Variants in XYLB observed in about 807,000 individuals in gnomAD.
The protein encoded by XYLB is xylulose kinase.
In XYLB, 62 loss-of-function variants were observed where a neutral mutation model predicts 78.7. The ratio of observed to expected loss-of-function variants is 0.79; its 90% CI spans 0.64 to 0.97. The LOEUF is 0.97. Among genes scored for constraint, XYLB ranks in the 50% least tolerant of loss-of-function variants. The probability of loss-of-function intolerance (pLI) is 0.00; values close to 1 mark genes in which losing one functional copy is unlikely to be tolerated. For synonymous variants in XYLB, 245 were observed against 247.4 expected (o/e 0.99, Z 0.09); for missense variants, 687 against 676.8 (o/e 1.02, Z -0.17).
the XYLB span, among the ~76,000 whole-genome samples, chr3:38,445,109 T>G: frequency 6.6e-6 from 1 of 152,078 alleles, no homozygotes; most frequent in Admixed American, 6.5e-5. Flanking sequence ...CCCTTTCCTA[T>G]AAAGATGATA....
rs181469164 is a variant in XYLB, at chr3:38,359,596, A to G, written c.141-743A>G. 2.5e-3 allele frequency among the ~76,000 whole-genome samples: 386 copies of G among 152,334 alleles called. 2 individuals carry two copies. The highest frequency in any genetic ancestry group is 8.7e-3 in the African/African-American group (361 of 41,568). ...TTCATATTTTTTCTTGCTCTGTAGTATGATATCACAAATATACACCACGAT... is the reference window on the plus strand; with the variant it reads ...TTCATATTTTTTCTTGCTCTGTAGTGTGATATCACAAATATACACCACGAT... On this transcript the variant is annotated intron_variant, in intron 2 of 18. Transcript: ENST00000207870.
In XYLB at chr3:38,375,970, C is replaced by G. The variant is rs1454739517; in HGVS notation, c.1005-147C>G. 6.0e-6 allele frequency: 4 copies of G among 665,088 alleles called. No homozygotes were observed. The African/African-American group carries it at 7.2e-5, about 12-fold the overall frequency. 41.2% of individuals were successfully genotyped at this position (665,088 alleles called of 1,614,324 possible). A position where few individuals can be genotyped will look rare whatever the true frequency, so the allele number is the denominator to read the frequency against. ...TGAATCTGAGGAAGAGCCTCCGATA[C>G]CTAAGTTTCAAAGCCTGCTGTGCAC... On this transcript the variant is annotated intron_variant, in intron 12 of 18. Coordinates refer to ENST00000207870, the MANE Select transcript of XYLB (RefSeq NM_005108.4).
At chr3:38,368,372 C>T (rs905339234) in intron 8 of XYLB, 115 bp downstream of exon 8, 11 of 901,308 alleles carry the variant, frequency 1.2e-5, no homozygotes, top group Non-Finnish European at 2.0e-5. Flanking sequence ...GCCCTGTCAT[C>T]TGTTGCCAGG....
chr3:38,363,144 A>C, intron 4 of XYLB, 127 bp downstream of exon 4: 4 of 633,594 alleles, frequency 6.3e-6, no homozygotes, highest in South Asian at 9.5e-5. Context: ...CACAAATTTC[A>C]CTGTGAATAA....
chr3:38,364,696 C>A (rs1165267778), intron 4 of XYLB, among the ~76,000 whole-genome samples: 1 of 124,390 alleles, frequency 8.0e-6, no homozygotes, highest in African/African-American at 2.9e-5. Flanking sequence ...TCTGTTCCCA[C>A]GACCCTGTCA....
chr3:38,369,450 C>T (rs143867601), intron 8 of XYLB, among the ~76,000 whole-genome samples: 3 of 152,304 alleles, frequency 2.0e-5, no homozygotes, highest in Admixed American at 6.5e-5. Flanking sequence ...CCTGAGATGT[C>T]ACCTCCTCAT....
intron 15 of XYLB, among the ~76,000 whole-genome samples, chr3:38,388,226 A>G (rs1478426505): frequency 1.4e-5 from 2 of 138,350 alleles, no homozygotes; most frequent in South Asian, 2.3e-4. Context: ...TTAAAAATGT[A>G]TATAGTAAAA....
At chr3:38,411,469 A>G (rs1476657801) in intron 18 of XYLB, among the ~76,000 whole-genome samples, 2 of 152,064 alleles carry the variant, frequency 1.3e-5, no homozygotes, top group Non-Finnish European at 2.9e-5. Flanking sequence ...AGCATGGCAC[A>G]TGTATACATA....
chr3:38,374,845 C>G (rs1033784476), intron 11 of XYLB, among the ~76,000 whole-genome samples: 2 of 152,164 alleles, frequency 1.3e-5, no homozygotes, highest in Admixed American at 6.5e-5. Flanking sequence ...ATAACCCAGA[C>G]ATTCCTACTT....
rs564450548 is a variant in XYLB at position 38,379,194 on chromosome 3, C to T, written c.1195-52C>T. On this transcript the variant is annotated intron_variant, in intron 14 of 18. Coordinates refer to ENST00000207870, the MANE Select transcript of XYLB (RefSeq NM_005108.4). ...ACACACAGACACACACATACACACA[C>T]GAATGGACAATGAGAGTTCCTTACT... 224 of 1,569,128 alleles carry T rather than the reference C, an allele frequency of 1.4e-4. 1 individual carries two copies. In the South Asian group the frequency reaches 2.2e-3, roughly 16 times the overall value.
Position 38,360,415 on chromosome 3 carries a change from G to A in XYLB, c.210+7G>A, listed in dbSNP as rs374313486. 53 of 1,583,898 alleles carry A rather than the reference G, an allele frequency of 3.3e-5. No homozygotes were observed. Among genetic ancestry groups the A allele is most frequent in the African/African-American group, 2.0e-4 (15 of 73,704 alleles). Reference sequence around the variant, plus strand: ...AGTACTAATGTGGGTCCAGGTAAGCGCAGGGATTCCTATTCTCCTTCTATC... The same window carrying A: ...AGTACTAATGTGGGTCCAGGTAAGCACAGGGATTCCTATTCTCCTTCTATC... On this transcript the variant is annotated splice_region_variant and intron_variant, in intron 3 of 18. Coordinates refer to ENST00000207870, the MANE Select transcript of XYLB (RefSeq NM_005108.4).
At position 38,413,065 on chromosome 3, in the gene XYLB, G is replaced by A. The variant is rs548520430; in HGVS notation, c.*52G>A. 32 of 1,529,294 alleles carry A rather than the reference G, an allele frequency of 2.1e-5. No homozygotes were observed. The highest frequency in any genetic ancestry group is 2.5e-5 in the South Asian group (2 of 80,156). 94.7% of individuals were successfully genotyped at this position (1,529,294 alleles called of 1,614,324 possible). A position where few individuals can be genotyped will look rare whatever the true frequency, so the allele number is the denominator to read the frequency against. On this transcript the variant is annotated 3_prime_UTR_variant, in exon 19 of 19. Transcript: ENST00000207870. ...CCCAGATTTACTGACCCCATTTGTC[G>A]ACATGGCCCCAGACAGGAGGGATCC...
the XYLB span, among the ~76,000 whole-genome samples, chr3:38,444,416 T>A: frequency 1.1e-4 from 16 of 152,280 alleles, no homozygotes; most frequent in South Asian, 2.3e-3. Flanking sequence ...ATAGGGAGGC[T>A]AGGATAATGG....
At chr3:38,445,427 G>A in the XYLB span, among the ~76,000 whole-genome samples, 1 of 152,176 alleles carries the variant, frequency 6.6e-6, no homozygotes, top group Non-Finnish European at 1.5e-5. Flanking sequence ...AACTAGAAAA[G>A]CACCAGAAAC....
chr3:38,365,823 A>G (rs1283586942), intron 6 of XYLB, 87 bp downstream of exon 6: 2 of 1,476,266 alleles, frequency 1.4e-6, no homozygotes, highest in African/African-American at 1.4e-5. Flanking sequence ...GGGGGATCAC[A>G]TGAGGTCATG....
the XYLB span, chr3:38,451,778 G>T: frequency 5.9e-5 from 9 of 152,242 alleles, no homozygotes; most frequent in African/African-American, 1.9e-4. Context: ...CGGGGAAAAT[G>T]AGGACTTCTG....
intron 15 of XYLB, among the ~76,000 whole-genome samples, chr3:38,381,940 C>T (rs1337976839): frequency 1.3e-5 from 2 of 152,182 alleles, no homozygotes; most frequent in South Asian, 4.1e-4. Flanking sequence ...TCACCCACAC[C>T]TATTCGCACA....
chr3:38,419,603 T>TATATATATATATATATATATATATATAA (rs71085322), downstream of XYLB, among the ~76,000 whole-genome samples: 457 of 80,354 alleles, frequency 5.7e-3, 38 homozygotes, highest in Non-Finnish European at 0.01. Flanking sequence ...TATATATATA[T>TATATATATATATATATATATATATATAA]AATAGCCATC....
the XYLB span, among the ~76,000 whole-genome samples, chr3:38,447,470 ATTTTTTTTTTT>A: frequency 1.4e-3 from 175 of 124,948 alleles, no homozygotes; most frequent in African/African-American, 3.6e-3. Flanking sequence ...CATCTGGCTA[ATTTTTTTTTTT>A]TTTTTTTTTT....
Sources: gnomAD v4.1 joint callset for allele counts (sites outside exome capture counted in the v4.1 genomes callset) on GRCh38, gnomAD v4.1.1 for gene constraint, MANE v1.5 for transcripts, NCBI Gene and HGNC (gene_info 2026-07-23, HGNC 2026-07-21) for gene names.